Variants in MLLT1 observed in about 807,000 individuals in gnomAD.
MLLT1 encodes the protein protein ENL.
A neutral mutation model predicts 55.1 loss-of-function variants in MLLT1; 11 were observed. The ratio of observed to expected loss-of-function variants is 0.20; its 90% CI spans 0.13 to 0.33. The LOEUF is 0.33. MLLT1 is among the 10% of genes least tolerant of loss of function. The pLI, the probability that MLLT1 is intolerant of heterozygous loss-of-function variation, is 1.00. For missense variants in MLLT1, 536 were observed against 760.6 expected, an observed-to-expected ratio of 0.70 and a Z score of 3.47; for synonymous variants, 323 against 320.1, an observed-to-expected ratio of 1.01 and a Z score of -0.10.
chr19:6,273,435 C>T lies in MLLT1; in HGVS notation c.13-2676G>A, dbSNP rs780271857. On this transcript the variant is annotated intron_variant, in intron 1 of 11. Transcript: ENST00000252674. The surrounding 1 kb of genome is among the most constrained non-coding windows in gnomAD (Gnocchi z 4.3). ...ATCAGGCGCACTCATAAACCCCCGGCGCTGCGGATTCATGAGGATCTCAGG... is the reference window on the plus strand; with the variant it reads ...ATCAGGCGCACTCATAAACCCCCGGTGCTGCGGATTCATGAGGATCTCAGG... Among the ~76,000 whole-genome samples, 1 of 152,176 alleles carries T rather than the reference C, an allele frequency of 6.6e-6. No homozygotes were observed. Among genetic ancestry groups the T allele is most frequent in the South Asian group, 2.1e-4 (1 of 4,830 alleles).
Position 6,211,486 on chromosome 19 carries a change from A to T in MLLT1, c.*1556T>A. On this transcript the variant is annotated 3_prime_UTR_variant, in exon 12 of 12. Coordinates refer to ENST00000252674, the MANE Select transcript of MLLT1 (RefSeq NM_005934.4). The surrounding 1 kb of genome is among the most constrained non-coding windows in gnomAD (Gnocchi z 4.6). ...CAGGATCTGCTGACAGAATCAGAGC[A>T]GGGACAAGATGAGGGACCTCAGGGA... 2.1e-6 allele frequency: 1 copy of T among 483,526 alleles called. No homozygotes were observed. Among genetic ancestry groups the T allele is most frequent in the Non-Finnish European group, 2.9e-6 (1 of 347,318 alleles). The allele number at this position is 483,526 out of a possible 1,614,324, so 30.0% of individuals were successfully genotyped here. A position where few individuals can be genotyped will look rare whatever the true frequency, so the allele number is the denominator to read the frequency against.
chr19:6,273,568 A>C lies in MLLT1; in HGVS notation c.13-2809T>G, dbSNP rs554534475. Among the ~76,000 whole-genome samples, 6 of 152,288 alleles carry C rather than the reference A, an allele frequency of 3.9e-5. No individual in the cohort carries two copies. Among genetic ancestry groups the C allele is most frequent in the African/African-American group, 1.4e-4 (6 of 41,550 alleles). On this transcript the variant is annotated intron_variant, in intron 1 of 11. Transcript: ENST00000252674. The surrounding 1 kb of genome is among the most constrained non-coding windows in gnomAD (Gnocchi z 4.3). ...AACACCACCGCATTCCAACAAACCC[A>C]AAACAACACTGACATTAGCCCCGAG...
intron 3 of MLLT1, among the ~76,000 whole-genome samples, chr19:6,254,461 C>CA (rs2091242586): frequency 6.6e-6 from 1 of 152,330 alleles, no homozygotes; most frequent in East Asian, 1.9e-4. Context: ...CGGTTGAGTA[C>CA]AGGTGGCAGT....
In MLLT1 at chr19:6,249,282, G is replaced by A. The variant is rs79335810; in HGVS notation, c.276+12946C>T. On this transcript the variant is annotated intron_variant, in intron 3 of 11. Coordinates refer to ENST00000252674, the MANE Select transcript of MLLT1 (RefSeq NM_005934.4). Reference sequence around the variant, plus strand: ...TGTTTCTTTTGAACTTTTTTAACGCGGCTAAAAAATAATAATAATAATAAT... The same window carrying A: ...TGTTTCTTTTGAACTTTTTTAACGCAGCTAAAAAATAATAATAATAATAAT... 3.0e-3 allele frequency among the ~76,000 whole-genome samples: 456 copies of A among 151,728 alleles called. 5 individuals are homozygous for A. Among genetic ancestry groups the A allele is most frequent in the African/African-American group, 9.2e-3 (381 of 41,302 alleles).
intron 3 of MLLT1, among the ~76,000 whole-genome samples, chr19:6,252,490 G>A (rs1233330748): frequency 6.6e-6 from 1 of 152,182 alleles, no homozygotes; most frequent in South Asian, 2.1e-4. Context: ...CAACCAATGG[G>A]TCAAAGAAGA....
At chr19:6,216,792 C>A in intron 7 of MLLT1, 1 of 451,308 alleles carries the variant, frequency 2.2e-6, no homozygotes, top group Admixed American at 4.0e-5. Context: ...CGCGCAGGGC[C>A]CCTCCATTGC....
rs2091048342 is a variant in MLLT1 at position 6,235,218 on chromosome 19, C to T, written c.277-4505G>A. Among the ~76,000 whole-genome samples the T allele has an allele frequency of 6.6e-6, 1 of 152,184 alleles. No homozygotes were observed. Among genetic ancestry groups the T allele is most frequent in the Non-Finnish European group, 1.5e-5 (1 of 68,032 alleles). On this transcript the variant is annotated intron_variant, in intron 3 of 11. Transcript: ENST00000252674. The surrounding 1 kb of genome is among the most constrained non-coding windows in gnomAD (Gnocchi z 5.5). ...GCCTCTGTAAATGCTTCCAACTTTC[C>T]CTGGTAACTTCTGAGTGGACGCTGG...
chr19:6,234,733 T>C (rs1228195301), intron 3 of MLLT1, among the ~76,000 whole-genome samples: 12 of 152,052 alleles, frequency 7.9e-5, no homozygotes, highest in Admixed American at 7.9e-4. Flanking sequence ...AACCAGATGG[T>C]ACCAAGCTCT....
At chr19:6,242,989 C>T (rs919368999) in intron 3 of MLLT1, among the ~76,000 whole-genome samples, 5 of 152,212 alleles carry the variant, frequency 3.3e-5, no homozygotes, top group Admixed American at 6.5e-5. Flanking sequence ...GGCATGAAAG[C>T]GACAAAGGTG....
At chr19:6,251,705 G>A (rs995255277) in intron 3 of MLLT1, among the ~76,000 whole-genome samples, 15 of 151,800 alleles carry the variant, frequency 9.9e-5, no homozygotes, top group Non-Finnish European at 1.2e-4. Context: ...CGGGAGGATC[G>A]CTTGAGCCCA....
In MLLT1 at chr19:6,235,117, C is replaced by T. The variant is rs996556355; in HGVS notation, c.277-4404G>A. 1.3e-5 allele frequency among the ~76,000 whole-genome samples: 2 copies of T among 152,184 alleles called. No homozygotes were observed. Among genetic ancestry groups the T allele is most frequent in the Non-Finnish European group, 1.5e-5 (1 of 68,036 alleles). Reference sequence around the variant, plus strand: ...TGCTCCAGAATGACCAGGAGGGCAGCGCAGGCTGGAACGGGCTTGGCTGTG... The same window carrying T: ...TGCTCCAGAATGACCAGGAGGGCAGTGCAGGCTGGAACGGGCTTGGCTGTG... On this transcript the variant is annotated intron_variant, in intron 3 of 11. Coordinates refer to ENST00000252674, the MANE Select transcript of MLLT1 (RefSeq NM_005934.4). This position sits in a 1 kb window ranked among gnomAD's most constrained non-coding sequence, Gnocchi z 5.5.
rs898969132 is a variant in MLLT1 at position 6,231,722 on chromosome 19, C to T, written c.277-1009G>A. 1.1e-4 allele frequency among the ~76,000 whole-genome samples: 17 copies of T among 151,996 alleles called. No individual in the cohort carries two copies. The highest frequency in any genetic ancestry group is 2.1e-4 in the South Asian group (1 of 4,808). Reference sequence around the variant, plus strand: ...TTCACCATGTTAACCAGGATGGTCTCCATCTCCTGACCTCGTGACCCACCC... The same window carrying T: ...TTCACCATGTTAACCAGGATGGTCTTCATCTCCTGACCTCGTGACCCACCC... On this transcript the variant is annotated intron_variant, in intron 3 of 11. Coordinates refer to ENST00000252674, the MANE Select transcript of MLLT1 (RefSeq NM_005934.4). This position sits in a 1 kb window ranked among gnomAD's most constrained non-coding sequence, Gnocchi z 5.1.
intron 3 of MLLT1, chr19:6,259,531 C>T (rs558495469): frequency 2.6e-5 from 4 of 152,424 alleles, no homozygotes; most frequent in Admixed American, 2.0e-4. Flanking sequence ...GTGGACAGCA[C>T]ACACACCACT....
rs2090997594 is a variant in MLLT1, at chr19:6,230,308, C to T, written c.420+262G>A. 6.6e-6 allele frequency among the ~76,000 whole-genome samples: 1 copy of T among 152,214 alleles called. No homozygotes were observed. Among genetic ancestry groups the T allele is most frequent in the Admixed American group, 6.5e-5 (1 of 15,288 alleles). On this transcript the variant is annotated intron_variant, in intron 4 of 11. Transcript: ENST00000252674. This position sits in a 1 kb window ranked among gnomAD's most constrained non-coding sequence, Gnocchi z 9.0. ...GACCAGCCTCGCGCCCATCCCTTCCCAGCACTTCCTGCAGGAAGGTGCTAA... is the reference window on the plus strand; with the variant it reads ...GACCAGCCTCGCGCCCATCCCTTCCTAGCACTTCCTGCAGGAAGGTGCTAA...
At chr19:6,215,737 C>G (rs147978524) in intron 8 of MLLT1, among the ~76,000 whole-genome samples, 2 of 152,300 alleles carry the variant, frequency 1.3e-5, no homozygotes, top group African/African-American at 4.8e-5. Context: ...GGCTGACTGC[C>G]GGCTCTGCTA....
At chr19:6,216,280 C>T in intron 8 of MLLT1, 125 bp downstream of exon 8, 1 of 701,298 alleles carries the variant, frequency 1.4e-6, no homozygotes, top group Non-Finnish European at 2.4e-6. Context: ...GGATGGATCC[C>T]TGCTTTGGCC....
chr19:6,238,842 G>A (rs532557284), intron 3 of MLLT1, among the ~76,000 whole-genome samples: 14 of 152,152 alleles, frequency 9.2e-5, no homozygotes, highest in East Asian at 1.9e-4. Flanking sequence ...CGCCTCCTCC[G>A]CCAGGGCCTT....
chr19:6,275,266 G>A lies in MLLT1; in HGVS notation c.12+4507C>T, dbSNP rs907271569. 5.9e-5 allele frequency among the ~76,000 whole-genome samples: 9 copies of A among 152,220 alleles called. No homozygotes were observed. In the South Asian group the frequency reaches 8.3e-4, roughly 14 times the overall value. On this transcript the variant is annotated intron_variant, in intron 1 of 11. Transcript: ENST00000252674. ...TTCGGCTACTGCATCTAATTCCCTC[G>A]GAGGCAACGATCCCCTCCCATCCCA...
chr19:6,214,178 G>T, intron 8 of MLLT1, 140 bp from the exon 9 acceptor site: 1 of 440,032 alleles, frequency 2.3e-6, no homozygotes, highest in Non-Finnish European at 3.9e-6. Context: ...CTCTGCGCAG[G>T]AACCTCAACT....
Sources: allele counts gnomAD v4.1 joint callset (sites outside exome capture counted in the v4.1 genomes callset), GRCh38; gene constraint gnomAD v4.1.1; non-coding constraint Gnocchi (gnomAD v3.1); transcripts MANE v1.5; gene names NCBI Gene and HGNC (gene_info 2026-07-23, HGNC 2026-07-21).